The following PITPNC1 variants were observed in gnomAD, a reference collection of about 807,000 sequenced individuals.
The protein encoded by PITPNC1 is cytoplasmic phosphatidylinositol transfer protein 1.
Under a neutral mutation model 44.7 loss-of-function variants are expected in PITPNC1, and 18 were observed. The observed-to-expected ratio is 0.40, with a 90% CI of 0.28 to 0.60. The LOEUF (loss-of-function observed/expected upper bound fraction) is 0.60. PITPNC1 is among the 20% of genes least tolerant of loss of function. The probability of loss-of-function intolerance (pLI) is 0.39; values close to 1 mark genes in which losing one functional copy is unlikely to be tolerated. For missense variants in PITPNC1, 290 were observed against 418.4 expected (o/e 0.69, Z 2.68); for synonymous variants, 141 against 149.6 (o/e 0.94, Z 0.42).
intron 1 of PITPNC1, among the ~76,000 whole-genome samples, chr17:67,495,052 G>GTTTTTTT (rs1243868487): frequency 2.1e-3 from 82 of 38,578 alleles, no homozygotes; most frequent in South Asian, 9.6e-3. Context: ...TTTTTTTTTT[G>GTTTTTTT]TTTTTTTTTT....
chr17:67,475,513 T>A (rs1475929761), intron 1 of PITPNC1, among the ~76,000 whole-genome samples: 1 of 152,174 alleles, frequency 6.6e-6, no homozygotes, highest in Non-Finnish European at 1.5e-5. Context: ...ATTTCAAACA[T>A]AGCGAACACG....
intron 1 of PITPNC1, among the ~76,000 whole-genome samples, chr17:67,514,366 A>G (rs71382131): frequency 2.0e-5 from 3 of 151,712 alleles, no homozygotes; most frequent in African/African-American, 7.2e-5. Flanking sequence ...CGCCCAGCTA[A>G]TTTTTGTATT....
At chr17:67,571,130 A>G (rs1313093125) in intron 4 of PITPNC1, among the ~76,000 whole-genome samples, 1 of 152,218 alleles carries the variant, frequency 6.6e-6, no homozygotes, top group Non-Finnish European at 1.5e-5. Context: ...CAAATTTAGC[A>G]ACTTAAAACA....
chr17:67,550,549 A>G (rs1361750773), intron 2 of PITPNC1, among the ~76,000 whole-genome samples: 1 of 151,880 alleles, frequency 6.6e-6, no homozygotes, highest in Non-Finnish European at 1.5e-5. Context: ...TGTCCCTTCC[A>G]GCCTCCTGGT....
intron 1 of PITPNC1, among the ~76,000 whole-genome samples, chr17:67,441,418 C>G (rs1276106518): frequency 6.6e-6 from 1 of 152,070 alleles, no homozygotes; most frequent in Non-Finnish European, 1.5e-5. Flanking sequence ...CTGATTTGCT[C>G]GGCAGAGATG....
At chr17:67,577,340 C>A (rs929265140) in intron 4 of PITPNC1, among the ~76,000 whole-genome samples, 1 of 151,854 alleles carries the variant, frequency 6.6e-6, no homozygotes, top group African/African-American at 2.4e-5. Flanking sequence ...GTAATCCCAG[C>A]ACTATGGGAG....
intron 5 of PITPNC1, among the ~76,000 whole-genome samples, chr17:67,615,639 G>A (rs969860512): frequency 2.6e-5 from 4 of 152,102 alleles, no homozygotes; most frequent in African/African-American, 7.2e-5. Flanking sequence ...ACCGAACACC[G>A]AGGCTGTGAA....
At chr17:67,563,016 G>A (rs913639572) in intron 4 of PITPNC1, among the ~76,000 whole-genome samples, 2 of 152,134 alleles carry the variant, frequency 1.3e-5, no homozygotes, top group African/African-American at 2.4e-5. Context: ...TTTTCCAGTA[G>A]CTCCAGCCTC....
At chr17:67,534,201 G>T (rs924065144) in intron 2 of PITPNC1, among the ~76,000 whole-genome samples, 2 of 151,942 alleles carry the variant, frequency 1.3e-5, no homozygotes, top group East Asian at 1.9e-4. Flanking sequence ...GGCCTTTCTT[G>T]CTATTTTCTT....
chr17:67,454,820 C>CTTT lies in PITPNC1; in HGVS notation c.48+76633_48+76635dup, dbSNP rs35832239. On this transcript the variant is annotated intron_variant, in intron 1 of 8. Transcript: ENST00000581322. The stretch of plus-strand genomic sequence containing the variant: ...ACATATTTCATTATTTTTTATTTTC[C>CTTT]TTTTTTTTTTTTTTTTTGAGTCAGG... Among the ~76,000 whole-genome samples the CTTT allele has an allele frequency of 3.5e-4, 45 of 127,924 alleles. 1 individual carries two copies. Among genetic ancestry groups the CTTT allele is most frequent in the African/African-American group, 1.2e-3 (41 of 33,132 alleles). 83.9% of individuals were successfully genotyped at this position (127,924 alleles called of 152,430 possible). A position where few individuals can be genotyped will look rare whatever the true frequency, so the allele number is the denominator to read the frequency against.
At chr17:67,652,204 C>G (rs897748521) in intron 6 of PITPNC1, among the ~76,000 whole-genome samples, 8 of 152,190 alleles carry the variant, frequency 5.3e-5, no homozygotes, top group Non-Finnish European at 1.5e-5. Flanking sequence ...GACTTCATAT[C>G]TCAGTGAACG....
At chr17:67,593,356 T>C (rs1274521794) in intron 5 of PITPNC1, among the ~76,000 whole-genome samples, 2 of 151,792 alleles carry the variant, frequency 1.3e-5, no homozygotes, top group Non-Finnish European at 2.9e-5. Context: ...TAATTACATA[T>C]GTTTGACTGG....
At chr17:67,617,526 C>A (rs2041775541) in intron 5 of PITPNC1, among the ~76,000 whole-genome samples, 1 of 152,048 alleles carries the variant, frequency 6.6e-6, no homozygotes, top group South Asian at 2.1e-4. Context: ...CAAAATTAAA[C>A]CCAGAGAGTT....
rs1160152426 is a variant in PITPNC1 at position 67,599,034 on chromosome 17, ATT to A, written c.366+20796_366+20797del. Among the ~76,000 whole-genome samples the A allele has an allele frequency of 5.0e-3, 179 of 35,612 alleles. 5 individuals carry two copies. The highest frequency in any genetic ancestry group is 7.0e-3 in the Admixed American group (18 of 2,562). The allele number at this position is 35,612 out of a possible 152,430, so 23.4% of individuals were successfully genotyped here. A position where few individuals can be genotyped will look rare whatever the true frequency, so the allele number is the denominator to read the frequency against. On this transcript the variant is annotated intron_variant, in intron 5 of 8. Coordinates refer to ENST00000581322, the MANE Select transcript of PITPNC1 (RefSeq NM_012417.4). ...TATATATATATATATATATATATATATTTTTTTTTTTTTTTTTTTTACCATGT... is the reference window on the plus strand; with the variant it reads ...TATATATATATATATATATATATATATTTTTTTTTTTTTTTTTTACCATGT...
chr17:67,452,491 T>C (rs2039195738), intron 1 of PITPNC1, among the ~76,000 whole-genome samples: 1 of 151,460 alleles, frequency 6.6e-6, no homozygotes, highest in Non-Finnish European at 1.5e-5. Flanking sequence ...CTTGGGAAGA[T>C]ACTTTAAGGA....
intron 2 of PITPNC1, among the ~76,000 whole-genome samples, chr17:67,544,013 G>T (rs2040643909): frequency 6.6e-6 from 1 of 152,130 alleles, no homozygotes; most frequent in Non-Finnish European, 1.5e-5. Context: ...ACCACGCCGG[G>T]CTAATTTTTG....
At chr17:67,401,740 A>G (rs1371175557) in intron 1 of PITPNC1, among the ~76,000 whole-genome samples, 1 of 152,004 alleles carries the variant, frequency 6.6e-6, no homozygotes, top group Non-Finnish European at 1.5e-5. Flanking sequence ...GATACTCAGG[A>G]GGCTGAGGCA....
intron 1 of PITPNC1, among the ~76,000 whole-genome samples, chr17:67,456,574 A>G (rs2039257733): frequency 6.6e-6 from 1 of 152,112 alleles, no homozygotes; most frequent in Admixed American, 6.5e-5. Context: ...TATCCTAAAA[A>G]TATTCAATGT....
At chr17:67,628,629 T>C (rs2041925580) in intron 5 of PITPNC1, among the ~76,000 whole-genome samples, 1 of 152,126 alleles carries the variant, frequency 6.6e-6, no homozygotes, top group African/African-American at 2.4e-5. Context: ...TTCACAGTGG[T>C]TGAGCAGCAG....
Sources: allele counts gnomAD v4.1 joint callset (sites outside exome capture counted in the v4.1 genomes callset), GRCh38; gene constraint gnomAD v4.1.1; transcripts MANE v1.5; gene names NCBI Gene and HGNC (gene_info 2026-07-23, HGNC 2026-07-21).